The following CCDC91 variants were observed in gnomAD, a reference collection of about 807,000 sequenced individuals.
CCDC91 encodes coiled-coil domain containing 91, also known as coiled-coil domain-containing protein 91.
Under a neutral mutation model 63.2 loss-of-function variants are expected in CCDC91, and 48 were observed. The observed-to-expected ratio is 0.76, with a 90% CI of 0.60 to 0.97. CCDC91 has a LOEUF of 0.97. CCDC91 is among the 50% of genes least tolerant of loss of function. The probability of loss-of-function intolerance (pLI) is 0.00; values close to 1 mark genes in which losing one functional copy is unlikely to be tolerated. For missense variants in CCDC91, 500 were observed against 494.6 expected (o/e 1.01, Z -0.10); for synonymous variants, 167 against 165.8 (o/e 1.01, Z -0.06).
intron 12 of CCDC91, among the ~76,000 whole-genome samples, chr12:28,521,246 A>C (rs1451242130): frequency 5.9e-5 from 9 of 152,000 alleles, no homozygotes; most frequent in Admixed American, 2.0e-4. Flanking sequence ...CTTTCATTTC[A>C]TTGAGCAGTG....
intron 12 of CCDC91, among the ~76,000 whole-genome samples, chr12:28,512,333 G>A (rs1939465149): frequency 6.6e-6 from 1 of 151,770 alleles, no homozygotes; most frequent in Non-Finnish European, 1.5e-5. Context: ...ATTCTCTGTA[G>A]CTCATGTGGA....
chr12:28,415,082 T>A (rs950972158), intron 8 of CCDC91, among the ~76,000 whole-genome samples: 1 of 152,158 alleles, frequency 6.6e-6, no homozygotes. Context: ...TTTGGTAATA[T>A]TATGGGCTAA....
At chr12:28,486,591 T>C (rs550707843) in intron 12 of CCDC91, among the ~76,000 whole-genome samples, 21 of 152,126 alleles carry the variant, frequency 1.4e-4, no homozygotes, top group African/African-American at 4.8e-4. Context: ...TCAAAGGGAG[T>C]TATGTGGCTA....
intron 6 of CCDC91, among the ~76,000 whole-genome samples, chr12:28,311,703 CGT>C (rs1344127925): frequency 6.6e-6 from 1 of 151,662 alleles, no homozygotes; most frequent in African/African-American, 2.4e-5. Flanking sequence ...TAGGGCCATG[CGT>C]GTTTTTTTTT....
At chr12:28,454,483 T>C (rs1291866565) in intron 11 of CCDC91, among the ~76,000 whole-genome samples, 1 of 151,944 alleles carries the variant, frequency 6.6e-6, no homozygotes, top group East Asian at 1.9e-4. Context: ...AATTCGAACT[T>C]TGGACACGTA....
chr12:28,534,170 A>G (rs1941968906), intron 12 of CCDC91, among the ~76,000 whole-genome samples: 1 of 152,200 alleles, frequency 6.6e-6, no homozygotes, highest in South Asian at 2.1e-4. Flanking sequence ...CTGATTTCAG[A>G]CATAGAACTT....
rs80164704 is a variant in CCDC91, at chr12:28,219,020, A to G, written c.-15+28379A>G. ...AAGTGTATGTTTAACATTATACACAATTGCCAAACTTTTCCAAAGTGGCTG... is the reference window on the plus strand; with the variant it reads ...AAGTGTATGTTTAACATTATACACAGTTGCCAAACTTTTCCAAAGTGGCTG... On this transcript the variant is annotated intron_variant, in intron 1 of 12. Coordinates refer to ENST00000536442, the MANE Select transcript of CCDC91 (RefSeq NM_018318.5). 4.4e-3 allele frequency among the ~76,000 whole-genome samples: 666 copies of G among 152,298 alleles called. 5 individuals carry two copies. Among genetic ancestry groups the G allele is most frequent in the African/African-American group, 0.015 (642 of 41,544 alleles).
At chr12:28,451,837 C>G (rs1250049583) in intron 10 of CCDC91, among the ~76,000 whole-genome samples, 2 of 151,606 alleles carry the variant, frequency 1.3e-5, no homozygotes, top group Non-Finnish European at 3.0e-5. Flanking sequence ...ATTATTTAAA[C>G]TGGCTACTAA....
intron 3 of CCDC91, among the ~76,000 whole-genome samples, chr12:28,284,374 C>T (rs771054195): frequency 4.6e-5 from 7 of 152,014 alleles, no homozygotes; most frequent in African/African-American, 9.7e-5. Flanking sequence ...GATTGTTGGC[C>T]GGGCATAGTG....
chr12:28,453,696 G>A (rs565615282), intron 11 of CCDC91, among the ~76,000 whole-genome samples: 14 of 151,300 alleles, frequency 9.3e-5, no homozygotes, highest in East Asian at 7.8e-4. Context: ...AATTCTTACC[G>A]TAACCTATCA....
At chr12:28,391,163 C>G in intron 7 of CCDC91, 141 bp from the exon 8 acceptor site, 1 of 514,834 alleles carries the variant, frequency 1.9e-6, no homozygotes, top group Non-Finnish European at 3.5e-6. Context: ...TATAAATGTG[C>G]TTCAGTATTA....
chr12:28,461,348 C>A (rs1950302822), intron 11 of CCDC91, among the ~76,000 whole-genome samples: 1 of 152,030 alleles, frequency 6.6e-6, no homozygotes, highest in African/African-American at 2.4e-5. Context: ...GTCCTTTCTA[C>A]ACTATGGATA....
intron 1 of CCDC91, among the ~76,000 whole-genome samples, chr12:28,213,721 C>T (rs546934704): frequency 1.3e-5 from 2 of 152,298 alleles, no homozygotes; most frequent in African/African-American, 4.8e-5. Context: ...TTACACACAG[C>T]ATTATTTCTG....
intron 1 of CCDC91, among the ~76,000 whole-genome samples, chr12:28,254,628 A>G (rs1215823173): frequency 1.3e-5 from 2 of 152,150 alleles, no homozygotes; most frequent in African/African-American, 4.8e-5. Flanking sequence ...AAACTATTGC[A>G]GGAATTGAAG....
chr12:28,507,561 C>T (rs552937051), intron 12 of CCDC91, among the ~76,000 whole-genome samples: 2 of 152,106 alleles, frequency 1.3e-5, no homozygotes, highest in South Asian at 4.1e-4. Context: ...TGTCAGTTGT[C>T]TTTTCTTCCT....
chr12:28,289,685 CT>C (rs75555723), intron 3 of CCDC91, among the ~76,000 whole-genome samples: 10 of 98,540 alleles, frequency 1.0e-4, no homozygotes, highest in African/African-American at 4.3e-4. Context: ...CTTTTCTTTT[CT>C]TTTTTTTTTT....
At chr12:28,403,444 C>G (rs574569979) in intron 8 of CCDC91, among the ~76,000 whole-genome samples, 1 of 152,156 alleles carries the variant, frequency 6.6e-6, no homozygotes, top group African/African-American at 2.4e-5. Flanking sequence ...GGCCTGCTTT[C>G]TAGATGGCTG....
intron 12 of CCDC91, among the ~76,000 whole-genome samples, chr12:28,488,793 G>A (rs1363845579): frequency 6.6e-6 from 1 of 151,976 alleles, no homozygotes; most frequent in African/African-American, 2.4e-5. Context: ...GGATCAGCAA[G>A]GTACCTGCAA....
intron 11 of CCDC91, among the ~76,000 whole-genome samples, chr12:28,453,558 A>G (rs1949916650): frequency 6.6e-6 from 1 of 152,082 alleles, no homozygotes; most frequent in African/African-American, 2.4e-5. Flanking sequence ...ATTCTCAGGA[A>G]CACACAGTTA....
Sources: allele counts gnomAD v4.1 joint callset (sites outside exome capture counted in the v4.1 genomes callset), GRCh38; gene constraint gnomAD v4.1.1; transcripts MANE v1.5; gene names NCBI Gene and HGNC (gene_info 2026-07-23, HGNC 2026-07-21).